VSTM4: variants seen among roughly 807,000 people sequenced by gnomAD.
VSTM4 encodes the protein V-set and transmembrane domain-containing protein 4.
A neutral mutation model predicts 36.4 loss-of-function variants in VSTM4; 20 were observed. The observed-to-expected ratio is 0.55, with a 90% CI of 0.39 to 0.80. The LOEUF (loss-of-function observed/expected upper bound fraction) is 0.80, where lower values mean the gene tolerates loss of function less well. Ranked by LOEUF, VSTM4 falls within the 30% of genes least tolerant of loss-of-function variation. VSTM4 has a pLI of 0.00. For synonymous variants in VSTM4, 182 were observed against 173.9 expected (o/e 1.05, Z -0.37); for missense variants, 392 against 404.5 (o/e 0.97, Z 0.26).
At chr10:49,063,132 A>AG (rs1843911574) in intron 5 of VSTM4, among the ~76,000 whole-genome samples, 1 of 151,688 alleles carries the variant, frequency 6.6e-6, no homozygotes, top group Non-Finnish European at 1.5e-5. Flanking sequence ...TGAGGTCACG[A>AG]GTTTGAGACC....
intron 1 of VSTM4, among the ~76,000 whole-genome samples, chr10:49,114,795 CACTT>C (rs1381910753): frequency 6.6e-6 from 1 of 152,142 alleles, no homozygotes; most frequent in Non-Finnish European, 1.5e-5. Context: ...ATTCTTAAGA[CACTT>C]ACAAGTGGGA....
chr10:49,090,949 C>T (rs1844462582), intron 2 of VSTM4, among the ~76,000 whole-genome samples: 1 of 151,422 alleles, frequency 6.6e-6, no homozygotes, highest in Non-Finnish European at 1.5e-5. Context: ...GTGCAAGGAC[C>T]CTGACCTCCT....
chr10:49,071,320 C>G (rs954148299), intron 4 of VSTM4, among the ~76,000 whole-genome samples: 1 of 152,182 alleles, frequency 6.6e-6, no homozygotes, highest in Non-Finnish European at 1.5e-5. Context: ...CAAGCAAAAG[C>G]CTTTGGAAAC....
intron 7 of VSTM4, among the ~76,000 whole-genome samples, chr10:49,032,457 G>A (rs1208057496): frequency 1.3e-5 from 2 of 152,216 alleles, no homozygotes; most frequent in Non-Finnish European, 2.9e-5. Context: ...ATTTTCATGT[G>A]TGACTACCCT....
At chr10:49,038,793 A>T (rs74418758) in intron 7 of VSTM4, among the ~76,000 whole-genome samples, 2,483 of 152,156 alleles carry the variant, frequency 0.016, 79 homozygotes, top group East Asian at 0.068. Context: ...AATTGGCTTG[A>T]GGACCCCCGT....
chr10:49,038,113 T>A (rs904317769), intron 7 of VSTM4, among the ~76,000 whole-genome samples: 2 of 152,174 alleles, frequency 1.3e-5, no homozygotes, highest in Non-Finnish European at 2.9e-5. Context: ...TCTGGGTATA[T>A]AACCAAAATA....
At chr10:49,050,721 A>G (rs1383056672) in intron 5 of VSTM4, among the ~76,000 whole-genome samples, 1 of 152,248 alleles carries the variant, frequency 6.6e-6, no homozygotes, top group Admixed American at 6.5e-5. Flanking sequence ...GTAGTTTTAT[A>G]AACTCTTGAA....
In VSTM4 at chr10:49,099,251, G is replaced by A. The variant is rs189983301; in HGVS notation, c.457+8343C>T. 7.9e-5 allele frequency among the ~76,000 whole-genome samples: 12 copies of A among 152,284 alleles called. No individual in the cohort carries two copies. The East Asian group carries it at 1.5e-3, about 20-fold the overall frequency. The stretch of plus-strand genomic sequence containing the variant: ...CACGTTGCAAATGCACGGCTGATTC[G>A]CTGCTATTATCACTCCGAATCCTTT... On this transcript the variant is annotated intron_variant, in intron 2 of 7. Transcript: ENST00000332853.
chr10:49,072,684 C>G (rs1234635909), intron 4 of VSTM4, among the ~76,000 whole-genome samples: 1 of 152,154 alleles, frequency 6.6e-6, no homozygotes, highest in East Asian at 1.9e-4. Context: ...GAGCCTGGAG[C>G]AAGTTGGGGG....
intron 5 of VSTM4, among the ~76,000 whole-genome samples, chr10:49,054,820 A>G (rs1843751164): frequency 6.6e-6 from 1 of 152,134 alleles, no homozygotes; most frequent in Admixed American, 6.5e-5. Context: ...TGGGCCATCA[A>G]ATGGTCCTTC....
Position 49,087,108 on chromosome 10 carries a change from T to G in VSTM4, c.458-1085A>C, listed in dbSNP as rs533538097. Among the ~76,000 whole-genome samples, 51 of 152,360 alleles carry G rather than the reference T, an allele frequency of 3.3e-4. 1 individual carries two copies. Among genetic ancestry groups the G allele is most frequent in the Middle Eastern group, 3.4e-3 (1 of 294 alleles). The stretch of plus-strand genomic sequence containing the variant: ...TCTCTCTGGGCCTTGCACTGGATAT[T>G]TCCTATTGACATATCTTCCAAATCA... On this transcript the variant is annotated intron_variant, in intron 2 of 7. Transcript: ENST00000332853.
At chr10:49,106,586 T>C (rs1207809044) in intron 2 of VSTM4, among the ~76,000 whole-genome samples, 1 of 152,238 alleles carries the variant, frequency 6.6e-6, no homozygotes, top group Non-Finnish European at 1.5e-5. Context: ...CTTGGCGAGC[T>C]GTTGCCTAAG....
intron 2 of VSTM4, among the ~76,000 whole-genome samples, chr10:49,104,549 C>T (rs571978139): frequency 1.3e-5 from 2 of 152,148 alleles, no homozygotes; most frequent in Non-Finnish European, 2.9e-5. Context: ...TCCTTAACTG[C>T]CTTGGAACAG....
intron 4 of VSTM4, among the ~76,000 whole-genome samples, chr10:49,066,790 T>C (rs533505366): frequency 6.6e-6 from 1 of 152,234 alleles, no homozygotes; most frequent in South Asian, 2.1e-4. Context: ...AATAAGTCAA[T>C]CTAAAAAATA....
chr10:49,077,084 G>T, intron 4 of VSTM4, 135 bp downstream of exon 4: 1 of 825,862 alleles, frequency 1.2e-6, no homozygotes, highest in Non-Finnish European at 2.0e-6. Flanking sequence ...TGCTCACTTT[G>T]CCCACAGTCA....
chr10:49,037,312 T>C (rs1843446202), intron 7 of VSTM4, among the ~76,000 whole-genome samples: 1 of 152,212 alleles, frequency 6.6e-6, no homozygotes, highest in African/African-American at 2.4e-5. Flanking sequence ...TCTCAAACTT[T>C]ACTGTTTATC....
intron 5 of VSTM4, among the ~76,000 whole-genome samples, chr10:49,063,853 A>G (rs565962585): frequency 2.0e-5 from 3 of 152,298 alleles, no homozygotes; most frequent in South Asian, 4.2e-4. Flanking sequence ...TTAGCCTGGA[A>G]GAAAAAGTGA....
intron 7 of VSTM4, among the ~76,000 whole-genome samples, chr10:49,034,034 T>C (rs1446375447): frequency 6.6e-6 from 1 of 151,728 alleles, no homozygotes; most frequent in Non-Finnish European, 1.5e-5. Context: ...ACCAACACCA[T>C]CATCATCACT....
rs115556885 is a variant in VSTM4 at position 49,034,465 on chromosome 10, T to A, written c.837+12518A>T. On this transcript the variant is annotated intron_variant, in intron 7 of 7. Coordinates refer to ENST00000332853, the MANE Select transcript of VSTM4 (RefSeq NM_001031746.5). The stretch of plus-strand genomic sequence containing the variant: ...ATTCTTCATCTTTCTATGAACACTC[T>A]CACGATAAATTTATGAGGCTATGTC... 7.0e-3 allele frequency among the ~76,000 whole-genome samples: 1,067 copies of A among 152,352 alleles called. 12 individuals carry two copies. The highest frequency in any genetic ancestry group is 0.024 in the African/African-American group (1,016 of 41,578).
Sources: allele counts gnomAD v4.1 joint callset (sites outside exome capture counted in the v4.1 genomes callset), GRCh38; gene constraint gnomAD v4.1.1; transcripts MANE v1.5; gene names NCBI Gene and HGNC (gene_info 2026-07-23, HGNC 2026-07-21).